Variants in MEG3 observed in about 807,000 individuals in gnomAD.
MEG3 encodes the protein Very putative protein from MEG3 locus.
At chr14:100,852,356 A>G, upstream of MEG3, 1 of 533,516 alleles carries the variant, frequency 1.9e-6, no homozygotes, top group Non-Finnish European at 3.8e-6. Flanking sequence ...TGGCAACAGC[A>G]TTTGGAAGGC....
At chr14:100,840,051 C>T (rs764148532) in intron 2 of MEG3, among the ~76,000 whole-genome samples, 59 of 152,206 alleles carry the variant, frequency 3.9e-4, no homozygotes, top group African/African-American at 1.3e-3. Flanking sequence ...GTGGGCGGCC[C>T]GTGTACAGAG....
At chr14:100,841,199 G>T (rs1042159688) in intron 2 of MEG3, among the ~76,000 whole-genome samples, 1 of 152,198 alleles carries the variant, frequency 6.6e-6, no homozygotes, top group Non-Finnish European at 1.5e-5. Context: ...GTGACAGGAG[G>T]GGGGCACAGG....
chr14:100,860,323 T>C, exon 1 of MEG3: 1 of 249,056 alleles, frequency 4.0e-6, no homozygotes, highest in Non-Finnish European at 8.0e-6. Flanking sequence ...GCTGGATAGG[T>C]TGGGCAGAAG....
At chr14:100,840,216 T>A (rs1203324142) in intron 2 of MEG3, among the ~76,000 whole-genome samples, 1 of 152,148 alleles carries the variant, frequency 6.6e-6, no homozygotes, top group African/African-American at 2.4e-5. Flanking sequence ...TAAATCCAGA[T>A]GGAGAGTTCT....
chr14:100,843,289 C>T (rs528902748), intron 2 of MEG3, among the ~76,000 whole-genome samples: 15 of 152,272 alleles, frequency 9.9e-5, no homozygotes, highest in Admixed American at 6.5e-4. Context: ...CTGATTCCTG[C>T]GGGAAATGGC....
intron 3 of MEG3, chr14:100,849,413 CAGAA>C (rs2038006123): frequency 6.6e-6 from 1 of 151,994 alleles, no homozygotes; most frequent in African/African-American, 2.4e-5. Flanking sequence ...GAAAGAATGA[CAGAA>C]AGAATGAATG....
intron 2 of MEG3, among the ~76,000 whole-genome samples, chr14:100,842,793 AAT>A (rs1436248917): frequency 6.6e-6 from 1 of 152,212 alleles, no homozygotes; most frequent in Non-Finnish European, 1.5e-5. Context: ...AGAGTTTTCT[AAT>A]CCCATTAAGC....
intron 2 of MEG3, among the ~76,000 whole-genome samples, chr14:100,844,721 A>T (rs1275994976): frequency 1.3e-5 from 2 of 152,212 alleles, no homozygotes; most frequent in Non-Finnish European, 2.9e-5. Context: ...TACGTGTCTG[A>T]CATTGCTGAA....
chr14:100,854,327 G>T (rs1172317248), upstream of MEG3: 1 of 152,184 alleles, frequency 6.6e-6, no homozygotes, highest in Non-Finnish European at 1.5e-5. Context: ...AGTCCTTTGG[G>T]TCATGGCTTT....
At chr14:100,835,902 T>C in intron 1 of MEG3, 1 of 294,842 alleles carries the variant, frequency 3.4e-6, no homozygotes, top group Non-Finnish European at 6.5e-6. Context: ...CCCGCCTGCC[T>C]TTGCCTCCGC....
chr14:100,839,219 T>C (rs1441477433), intron 2 of MEG3, among the ~76,000 whole-genome samples: 2 of 152,074 alleles, frequency 1.3e-5, no homozygotes, highest in Admixed American at 1.3e-4. Flanking sequence ...TAAAGGGCAG[T>C]GGACAATGCG....
upstream of MEG3, chr14:100,854,491 G>A (rs1013597208): frequency 6.6e-6 from 1 of 152,240 alleles, no homozygotes; most frequent in African/African-American, 2.4e-5. Context: ...AGGTCTGTTT[G>A]ATGTTAGGAT....
upstream of MEG3, chr14:100,852,750 T>C: frequency 4.4e-6 from 1 of 229,750 alleles, no homozygotes; most frequent in East Asian, 1.3e-4. Context: ...GAGGGCCCAT[T>C]GCATGCACCA....
chr14:100,844,924 A>G (rs2037870777), intron 2 of MEG3, among the ~76,000 whole-genome samples: 1 of 152,214 alleles, frequency 6.6e-6, no homozygotes, highest in African/African-American at 2.4e-5. Flanking sequence ...CACTGTGAAC[A>G]AAATTGCCAC....
upstream of MEG3, chr14:100,852,635 G>C (rs1457114024): frequency 1.2e-5 from 4 of 322,144 alleles, no homozygotes; most frequent in Admixed American, 8.3e-5. Context: ...AGGGGTTCAG[G>C]GCAGAAGAAG....
intron 1 of MEG3, chr14:100,826,193 C>G (rs900547354): frequency 6.6e-6 from 1 of 152,136 alleles, no homozygotes; most frequent in Non-Finnish European, 1.5e-5. Flanking sequence ...AGAGCTGGGG[C>G]GCCCACGAGA....
exon 1 of MEG3, chr14:100,834,647 T>TC: frequency 2.2e-6 from 1 of 456,046 alleles, no homozygotes; most frequent in East Asian, 7.0e-5. Context: ...GACCTGGCCA[T>TC]CCCGGGGTGC....
At chr14:100,857,143 A>G (rs1595309058), upstream of MEG3, 1 of 152,218 alleles carries the variant, frequency 6.6e-6, no homozygotes, top group African/African-American at 2.4e-5. Flanking sequence ...CAACCACCAT[A>G]TTGTATCTTA....
At position 100,845,573 on chromosome 14, in the gene MEG3, C is replaced by T; in HGVS notation, n.3121+40C>T. The T allele has an allele frequency of 2.2e-6, 1 of 451,506 alleles. No homozygotes were observed. Among genetic ancestry groups the T allele is most frequent in the South Asian group, 1.6e-5 (1 of 63,718 alleles). The allele number at this position is 451,506 out of a possible 1,614,324, so 28.0% of individuals were successfully genotyped here. Reference sequence around the variant, plus strand: ...TGTAAAGAACACACATGTGGCCTTGCTGCTGAGGGTGGGGCCAGCTGCCCG... The same window carrying T: ...TGTAAAGAACACACATGTGGCCTTGTTGCTGAGGGTGGGGCCAGCTGCCCG... On this transcript the variant is annotated intron_variant and non_coding_transcript_variant, in intron 3 of 3. Transcript: ENST00000398461. This position sits in a 1 kb window ranked among gnomAD's most constrained non-coding sequence, Gnocchi z 5.2.
Sources: gnomAD v4.1 joint callset for allele counts (sites outside exome capture counted in the v4.1 genomes callset) on GRCh38, gnomAD v4.1.1 for gene constraint, Gnocchi (gnomAD v3.1) non-coding constraint, MANE v1.5 for transcripts, NCBI Gene and HGNC (gene_info 2026-07-23, HGNC 2026-07-21) for gene names.